The following ACE variants were observed in gnomAD, a reference collection of about 807,000 sequenced individuals.
ACE encodes angiotensin I converting enzyme.
ACE carries 122 observed loss-of-function variants against 162.3 expected under a neutral mutation model. That is an observed-to-expected ratio of 0.75 (90% CI 0.65 to 0.87). The LOEUF (loss-of-function observed/expected upper bound fraction) is 0.87, where lower values mean the gene tolerates loss of function less well. Among genes scored for constraint, ACE ranks in the 40% least tolerant of loss-of-function variants. ACE has a pLI of 0.00. For missense variants in ACE, 1,799 were observed against 1,735.1 expected, an observed-to-expected ratio of 1.04 and a Z score of -0.65; for synonymous variants, 796 against 720.6, an observed-to-expected ratio of 1.10 and a Z score of -1.68.
intron 15 of ACE, among the ~76,000 whole-genome samples, 178 bp downstream of exon 15, chr17:63,487,251 C>T (rs1353652420): frequency 6.6e-6 from 1 of 152,152 alleles, no homozygotes; most frequent in East Asian, 1.9e-4. Context: ...GAGCCGGCAC[C>T]TACTTCATAC....
At chr17:63,487,214 A>G in intron 15 of ACE, 141 bp downstream of exon 15, 1 of 732,678 alleles carries the variant, frequency 1.4e-6, no homozygotes, top group Non-Finnish European at 2.4e-6. Flanking sequence ...CTTGTTTTCC[A>G]CGAGGGGGGC....
intron 6 of ACE, 40 bp downstream of exon 6, chr17:63,481,228 G>A (rs373862400): frequency 1.8e-5 from 23 of 1,297,672 alleles, no homozygotes; most frequent in South Asian, 7.1e-5. Context: ...GGGGGTCGGG[G>A]GTGGGGCGCA....
At position 63,484,816 on chromosome 17, in the gene ACE, C is replaced by A. The variant is rs747848647; in HGVS notation, c.1921+275C>A. The stretch of plus-strand genomic sequence containing the variant: ...CTCTGTGAGGTCACACTGCGGGCTC[C>A]GCTCTTATTGGCCAGGGGACGGTAG... On this transcript the variant is annotated intron_variant, in intron 12 of 24. Coordinates refer to ENST00000290866, the MANE Select transcript of ACE (RefSeq NM_000789.4). The surrounding 1 kb of genome is among the most constrained non-coding windows in gnomAD (Gnocchi z 4.0). 1.3e-6 allele frequency: 2 copies of A among 1,518,704 alleles called. No homozygotes were observed. Among genetic ancestry groups the A allele is most frequent in the African/African-American group, 2.7e-5 (2 of 72,814 alleles). The allele number at this position is 1,518,704 out of a possible 1,614,324, so 94.1% of individuals were successfully genotyped here. A position where few individuals can be genotyped will look rare whatever the true frequency, so the allele number is the denominator to read the frequency against.
Position 63,483,102 on chromosome 17 carries a change from C to T in ACE, c.1416C>T (p.Asp472=), listed in dbSNP as rs2049739067. The change falls in exon 9 of 25, where the codon GAC becomes GAT. Residue 472 remains aspartate, a synonymous_variant. Transcript: ENST00000290866. ...TCCTGCCCTTTGGCTACTTGGTGGA[C>T]CAGTGGCGCTGGGGGGTCTTTAGTG... ...IAFLPFGYLV[D]QWRWGVFSGR... is the part of the protein sequence containing the mutation. 6.2e-7 allele frequency: 1 copy of T among 1,614,182 alleles called. No homozygotes were observed.
Position 63,488,742 on chromosome 17 carries a change from G to A in ACE, c.2400G>A (p.Gln800=), listed in dbSNP as rs567706604. ...WRDKAGRAIL[Q]FYPKYVELIN... is the part of the protein sequence containing the mutation. ...ACAAGGCGGGGAGAGCCATCCTCCA[G>A]TTTTACCCGAAATACGTGGAACTCA... Residue 800 remains glutamine, a synonymous_variant, in exon 16 of 25, where the codon CAG becomes CAA. Transcript: ENST00000290866. 1.2e-6 allele frequency: 2 copies of A among 1,613,832 alleles called. No homozygotes were observed. Among genetic ancestry groups the A allele is most frequent in the Admixed American group, 3.3e-5 (2 of 59,988 alleles).
chr17:63,488,534 A>C, intron 15 of ACE, 114 bp from the exon 16 acceptor site: 1 of 1,115,314 alleles, frequency 9.0e-7, no homozygotes, highest in Non-Finnish European at 1.3e-6. Context: ...CTGCCTATAC[A>C]GTCACTTTTA....
At position 63,482,574 on chromosome 17, in the gene ACE, T is replaced by C. The variant is rs373568007; in HGVS notation, c.1227T>C (p.Arg409=). Reference sequence around the variant, plus strand: ...ACAAGGATCTGCCCGTCTCCCTGCGTCGGGGGGCCAACCCCGGCTTCCATG... The same window carrying C: ...ACAAGGATCTGCCCGTCTCCCTGCGCCGGGGGGCCAACCCCGGCTTCCATG... ...LQYKDLPVSL[R]RGANPGFHEA... Residue 409 remains arginine, a synonymous_variant, in exon 8 of 25, where the codon CGT becomes CGC. Transcript: ENST00000290866. The C allele has an allele frequency of 2.5e-5, 41 of 1,613,990 alleles. No individual in the cohort carries two copies. Among genetic ancestry groups the C allele is most frequent in the Admixed American group, 3.3e-5 (2 of 60,008 alleles).
In ACE at chr17:63,477,168, A is replaced by G; in HGVS notation, c.74A>G (p.Gln25Arg). The G allele has an allele frequency of 1.4e-6, 2 of 1,456,078 alleles. No homozygotes were observed. The highest frequency in any genetic ancestry group is 3.1e-5 in the East Asian group (1 of 32,648). The allele number at this position is 1,456,078 out of a possible 1,614,324, so 90.2% of individuals were successfully genotyped here. A position where few individuals can be genotyped will look rare whatever the true frequency, so the allele number is the denominator to read the frequency against. The change falls in exon 1 of 25, where the codon CAG becomes CGG. Residue 25 changes from glutamine to arginine, a missense_variant. Physicochemically the swap from Gln to Arg is conservative, Grantham distance 43. Transcript: ENST00000290866. ...CCGCTGCTGTTGCTGCTGCCGCCGC[A>G]GCCCGCCCTGGCGTTGGACCCCGGG... is the stretch of plus-strand genomic sequence containing the variant. ...PLPLLLLLPP[Q>R]PALALDPGLQ... is the part of the protein sequence containing the mutation.
At chr17:63,493,253 C>T (rs2030497331) in intron 19 of ACE, among the ~76,000 whole-genome samples, 183 bp from the exon 20 acceptor site, 1 of 152,186 alleles carries the variant, frequency 6.6e-6, no homozygotes, top group South Asian at 2.1e-4. Context: ...GGGCTTCTGC[C>T]CCCAGATTCC....
At position 63,480,621 on chromosome 17, in the gene ACE, G is replaced by A. The variant is rs1599139596; in HGVS notation, c.847+93G>A. 44 of 1,375,230 alleles carry A rather than the reference G, an allele frequency of 3.2e-5. No homozygotes were observed. In the East Asian group the frequency reaches 9.6e-4, roughly 30 times the overall value. 85.2% of individuals were successfully genotyped at this position (1,375,230 alleles called of 1,614,324 possible). A position where few individuals can be genotyped will look rare whatever the true frequency, so the allele number is the denominator to read the frequency against. On this transcript the variant is annotated intron_variant, in intron 5 of 24. Coordinates refer to ENST00000290866, the MANE Select transcript of ACE (RefSeq NM_000789.4). Reference sequence around the variant, plus strand: ...TGTCCAGGGTAAGGGAAGGTGGGTTGTGACCCTCACATCTCACATGTGTGG... The same window carrying A: ...TGTCCAGGGTAAGGGAAGGTGGGTTATGACCCTCACATCTCACATGTGTGG...
In ACE at chr17:63,477,283, G is replaced by C. The variant is rs780601919; in HGVS notation, c.189G>C (p.Gln63His). 6 of 1,457,604 alleles carry C rather than the reference G, an allele frequency of 4.1e-6. No individual in the cohort carries two copies. The Admixed American group carries it at 1.1e-4, about 27-fold the overall frequency. 90.3% of individuals were successfully genotyped at this position (1,457,604 alleles called of 1,614,324 possible). A position where few individuals can be genotyped will look rare whatever the true frequency, so the allele number is the denominator to read the frequency against. ...CCAGCGCCGAACAGGTGCTGTTCCA[G>C]AGCGTGGCCGCCAGCTGGGCGCACG... ...YNSSAEQVLF[Q>H]SVAASWAHDT... The change falls in exon 1 of 25, where the codon CAG (glutamine) becomes CAC (histidine). Residue 63 changes from glutamine to histidine, a missense_variant. Coordinates refer to ENST00000290866, the MANE Select transcript of ACE (RefSeq NM_000789.4).
chr17:63,483,999 G>T, intron 11 of ACE, 28 bp downstream of exon 11: 1 of 1,601,192 alleles, frequency 6.2e-7, no homozygotes, highest in East Asian at 2.3e-5. Flanking sequence ...GGGGGAAGTG[G>T]GAGGCAGAGA....
In ACE at chr17:63,478,963, C is replaced by G. The variant is rs755273973; in HGVS notation, c.418-44C>G. Reference sequence around the variant, plus strand: ...TAGCAGCGAGGGGAGGGCAGATGTCCCAGGGGCTGGTCACTGGAGCATTCC... The same window carrying G: ...TAGCAGCGAGGGGAGGGCAGATGTCGCAGGGGCTGGTCACTGGAGCATTCC... On this transcript the variant is annotated intron_variant, in intron 2 of 24. Transcript: ENST00000290866. The G allele has an allele frequency of 1.2e-5, 19 of 1,542,788 alleles. No homozygotes were observed. In the South Asian group the frequency reaches 1.8e-4, roughly 15 times the overall value.
rs767656727 is a variant in ACE, at chr17:63,483,474, G to A, written c.1502G>A (p.Gly501Glu). 3.7e-6 allele frequency: 6 copies of A among 1,613,860 alleles called. No homozygotes were observed. Among genetic ancestry groups the A allele is most frequent in the Non-Finnish European group, 4.2e-6 (5 of 1,179,822 alleles). The change falls in exon 10 of 25, where the codon GGG (glycine) becomes GAG (glutamate). Residue 501 changes from glycine (G) to glutamate (E), a missense_variant. Coordinates refer to ENST00000290866, the MANE Select transcript of ACE (RefSeq NM_000789.4). The stretch of plus-strand genomic sequence containing the variant: ...TCCTTTTCCAGAACCAAGTATCAGG[G>A]GATCTGTCCTCCTGTTACCCGAAAC... ...DWWYLRTKYQ[G>E]ICPPVTRNET...
chr17:63,490,652 A>C, intron 17 of ACE: 1 of 439,400 alleles, frequency 2.3e-6, no homozygotes, highest in Non-Finnish European at 4.3e-6. Context: ...GGGACCTGTA[A>C]TGTCCTCACA....
intron 17 of ACE, chr17:63,489,892 A>G (rs952570339): frequency 1.6e-4 from 24 of 152,756 alleles, no homozygotes; most frequent in African/African-American, 5.5e-4. Context: ...TGGTGAGACC[A>G]AAGAACATCT....
chr17:63,481,112 G>C lies in ACE; in HGVS notation c.869G>C (p.Trp290Ser), dbSNP rs1266264733. The C allele has an allele frequency of 6.2e-7, 1 of 1,614,034 alleles. No homozygotes were observed. Among genetic ancestry groups the C allele is most frequent in the South Asian group, 1.1e-5 (1 of 91,074 alleles). ...HLLGDMWAQS[W>S]ENIYDMVVPF... The stretch of plus-strand genomic sequence containing the variant: ...CTAGGAGACATGTGGGCCCAGAGCT[G>C]GGAAAACATCTACGACATGGTGGTG... The change falls in exon 6 of 25, where the codon TGG (tryptophan) becomes TCG (serine). Residue 290 changes from tryptophan (W) to serine (S), a missense_variant. Physicochemically the swap from Trp to Ser is radical, Grantham distance 177 (BLOSUM62 -3). Coordinates refer to ENST00000290866, the MANE Select transcript of ACE (RefSeq NM_000789.4).
chr17:63,494,293 C>A (rs888775283), intron 21 of ACE, 79 bp from the exon 22 acceptor site: 105 of 1,399,576 alleles, frequency 7.5e-5, no homozygotes, highest in Non-Finnish European at 9.1e-5. Flanking sequence ...AGTGCAGGGA[C>A]CCTCCCTCAA....
chr17:63,497,337 G>T lies in ACE; in HGVS notation c.3892G>T (p.Gly1298Cys), dbSNP rs1024799181. ...LHRHSHGPQF[G>C]SEVELRHS is the part of the protein sequence containing the mutation. Reference sequence around the variant, plus strand: ...CCGGCACTCCCACGGGCCCCAGTTCGGCTCCGAGGTGGAGCTGAGACACTC... The same window carrying T: ...CCGGCACTCCCACGGGCCCCAGTTCTGCTCCGAGGTGGAGCTGAGACACTC... Residue 1298 changes from glycine to cysteine, a missense_variant, in exon 25 of 25, where the codon GGC becomes TGC. Physicochemically the swap from Gly to Cys is radical, Grantham distance 159. Transcript: ENST00000290866. 6 of 1,548,478 alleles carry T rather than the reference G, an allele frequency of 3.9e-6. No homozygotes were observed. The African/African-American group carries it at 8.2e-5, about 21-fold the overall frequency.
Sources: gnomAD v4.1 joint callset for allele counts (sites outside exome capture counted in the v4.1 genomes callset) on GRCh38, gnomAD v4.1.1 for gene constraint, Gnocchi (gnomAD v3.1) non-coding constraint, MANE v1.5 for transcripts, NCBI Gene and HGNC (gene_info 2026-07-23, HGNC 2026-07-21) for gene names.